DYNC1I2: variants seen among roughly 807,000 people sequenced by gnomAD.
DYNC1I2 encodes the protein cytoplasmic dynein 1 intermediate chain 2.
In DYNC1I2, 53 loss-of-function variants were observed where a neutral mutation model predicts 88.6. The observed-to-expected ratio is 0.60, with a 90% CI of 0.48 to 0.75. DYNC1I2 has a LOEUF of 0.75. Among genes scored for constraint, DYNC1I2 ranks in the 30% least tolerant of loss-of-function variants. The pLI is 0.00. For synonymous variants in DYNC1I2, 198 were observed against 254.6 expected, an observed-to-expected ratio of 0.78 and a Z score of 2.12; for missense variants, 458 against 766.6, an observed-to-expected ratio of 0.60 and a Z score of 4.75.
intron 10 of DYNC1I2, 92 bp downstream of exon 10, chr2:171,726,385 AAATC>A (rs1688257097): frequency 1.2e-6 from 1 of 847,702 alleles, no homozygotes; most frequent in Non-Finnish European, 1.8e-6. Flanking sequence ...TTTGTATAAT[AAATC>A]AATATGTGTT....
chr2:171,697,044 C>T (rs530648852), intron 3 of DYNC1I2, among the ~76,000 whole-genome samples: 134 of 152,010 alleles, frequency 8.8e-4, no homozygotes, highest in South Asian at 2.7e-3. Context: ...TCTGTCACCT[C>T]GGCTGGAATG....
chr2:171,718,654 C>T (rs914104653), intron 7 of DYNC1I2, among the ~76,000 whole-genome samples: 6 of 151,612 alleles, frequency 4.0e-5, no homozygotes, highest in African/African-American at 9.7e-5. Flanking sequence ...AGGATGGTCT[C>T]GATCTCCTGA....
chr2:171,696,135 A>G (rs1196836133), intron 3 of DYNC1I2, among the ~76,000 whole-genome samples: 2 of 151,990 alleles, frequency 1.3e-5, no homozygotes, highest in Non-Finnish European at 2.9e-5. Flanking sequence ...CTTTTTAAAA[A>G]CCCTTCTAAT....
At chr2:171,729,962 T>C (rs1360807193) in intron 15 of DYNC1I2, 109 bp downstream of exon 15, 1 of 1,306,898 alleles carries the variant, frequency 7.7e-7, no homozygotes, top group Non-Finnish European at 1.1e-6. Context: ...TGTTTGCTAA[T>C]AGATGAAGCC....
At chr2:171,689,964 A>G (rs1187857555) in intron 1 of DYNC1I2, among the ~76,000 whole-genome samples, 183 bp from the exon 2 acceptor site, 2 of 133,620 alleles carry the variant, frequency 1.5e-5, no homozygotes, top group East Asian at 4.5e-4. Context: ...GGCCTGAAGC[A>G]GTTCTCCCAC....
At chr2:171,699,996 A>G (rs1338727909) in intron 3 of DYNC1I2, among the ~76,000 whole-genome samples, 1 of 152,020 alleles carries the variant, frequency 6.6e-6, no homozygotes, top group Non-Finnish European at 1.5e-5. Context: ...AACATTTATT[A>G]TCTCTTATAG....
intron 7 of DYNC1I2, among the ~76,000 whole-genome samples, chr2:171,722,505 G>C (rs1348556207): frequency 3.3e-5 from 5 of 152,088 alleles, no homozygotes; most frequent in Admixed American, 3.3e-4. Flanking sequence ...CAGTCTTCCT[G>C]CTCTGTTACA....
At chr2:171,746,483 C>A (rs1474364220) in intron 17 of DYNC1I2, among the ~76,000 whole-genome samples, 2 of 152,048 alleles carry the variant, frequency 1.3e-5, no homozygotes, top group African/African-American at 4.8e-5. Flanking sequence ...CTTTTTTAAC[C>A]CTGGCTAGGG....
rs571054356 is a variant in DYNC1I2 at position 171,722,899 on chromosome 2, T to C, written c.512-2719T>C. ...TTAATCCATGTAGAAAGGGAGGGTA[T>C]GTACTTTAATTCTAAAATAAAACCC... On this transcript the variant is annotated intron_variant, in intron 7 of 17. Coordinates refer to ENST00000397119, the MANE Select transcript of DYNC1I2 (RefSeq NM_001378.3). Among the ~76,000 whole-genome samples the C allele has an allele frequency of 5.0e-4, 76 of 152,304 alleles. No individual in the cohort carries two copies. The South Asian group carries it at 5.6e-3, about 11-fold the overall frequency.
Position 171,726,091 on chromosome 2 carries a change from A to G in DYNC1I2, c.770+10A>G, listed in dbSNP as rs756299361. 5.1e-6 allele frequency: 8 copies of G among 1,569,634 alleles called. No homozygotes were observed. In the East Asian group the frequency reaches 1.1e-4, roughly 22 times the overall value. On this transcript the variant is annotated intron_variant, in intron 9 of 17. Coordinates refer to ENST00000397119, the MANE Select transcript of DYNC1I2 (RefSeq NM_001378.3). ...TGGAAGACAAAGAAGGGTAATGTTTAGTTGCTAAGATTTTTAGCTTCAATA... is the reference window on the plus strand; with the variant it reads ...TGGAAGACAAAGAAGGGTAATGTTTGGTTGCTAAGATTTTTAGCTTCAATA...
intron 5 of DYNC1I2, among the ~76,000 whole-genome samples, chr2:171,708,867 A>G (rs1489325951): frequency 1.3e-5 from 2 of 151,716 alleles, no homozygotes. Context: ...TAATTTTTGT[A>G]TTTTTTATAG....
chr2:171,707,614 T>A (rs918212173), intron 5 of DYNC1I2, among the ~76,000 whole-genome samples: 1 of 152,156 alleles, frequency 6.6e-6, no homozygotes, highest in African/African-American at 2.4e-5. Context: ...GTCAACCGGT[T>A]TTATGCTAAT....
chr2:171,717,295 A>G (rs946909974), intron 7 of DYNC1I2, among the ~76,000 whole-genome samples: 2 of 151,850 alleles, frequency 1.3e-5, no homozygotes, highest in Admixed American at 6.6e-5. Flanking sequence ...TTGTATTTTT[A>G]GTAGAGATAG....
intron 5 of DYNC1I2, among the ~76,000 whole-genome samples, chr2:171,710,618 GA>G (rs1687046520): frequency 6.6e-6 from 1 of 151,986 alleles, no homozygotes; most frequent in Non-Finnish European, 1.5e-5. Context: ...TGCAGATTAG[GA>G]AGCTGCATTA....
At chr2:171,733,459 CTTTTTTTTTTT>C (rs61079902) in intron 15 of DYNC1I2, among the ~76,000 whole-genome samples, 8 of 55,772 alleles carry the variant, frequency 1.4e-4, no homozygotes, top group Non-Finnish European at 1.9e-4. Flanking sequence ...TTGCCAGCAT[CTTTTTTTTTTT>C]TTTTTTTTTT....
At chr2:171,739,697 T>A (rs1049084783) in intron 15 of DYNC1I2, among the ~76,000 whole-genome samples, 1 of 19,730 alleles carries the variant, frequency 5.1e-5, no homozygotes, top group Non-Finnish European at 1.8e-4. Context: ...GACATATCTC[T>A]TTTTTTTTTT....
intron 17 of DYNC1I2, among the ~76,000 whole-genome samples, chr2:171,746,500 A>G (rs1018461051): frequency 1.3e-5 from 2 of 152,184 alleles, no homozygotes; most frequent in African/African-American, 4.8e-5. Flanking sequence ...AGGGGTTAAA[A>G]AAGTGACCTT....
intron 3 of DYNC1I2, among the ~76,000 whole-genome samples, chr2:171,697,655 G>A (rs1218219395): frequency 2.0e-5 from 3 of 150,144 alleles, no homozygotes; most frequent in Admixed American, 6.7e-5. Context: ...CAAGACTAGC[G>A]TGGGCAACAT....
chr2:171,715,247 A>G, intron 6 of DYNC1I2, 81 bp from the exon 7 acceptor site: 3 of 823,482 alleles, frequency 3.6e-6, no homozygotes, highest in Non-Finnish European at 1.9e-6. Context: ...TTGGGTGCAA[A>G]TGACTGTTTA....
Sources: allele counts gnomAD v4.1 joint callset (sites outside exome capture counted in the v4.1 genomes callset), GRCh38; gene constraint gnomAD v4.1.1; transcripts MANE v1.5; gene names NCBI Gene and HGNC (gene_info 2026-07-23, HGNC 2026-07-21).